SEMA4D: variants seen among roughly 807,000 people sequenced by gnomAD.
SEMA4D encodes the protein semaphorin 4D, also known as semaphorin-4D.
A neutral mutation model predicts 74.8 loss-of-function variants in SEMA4D; 22 were observed. The ratio of observed to expected loss-of-function variants is 0.29; its 90% CI spans 0.21 to 0.42. The LOEUF is 0.42. Ranked by LOEUF, SEMA4D falls within the 10% of genes least tolerant of loss-of-function variation. The pLI is 1.00. For missense variants in SEMA4D, 937 were observed against 1,118.4 expected, an observed-to-expected ratio of 0.84 and a Z score of 2.31; for synonymous variants, 445 against 463.7, an observed-to-expected ratio of 0.96 and a Z score of 0.52.
chr9:89,458,702 C>T (rs1856544214), intron 1 of SEMA4D, among the ~76,000 whole-genome samples: 1 of 152,064 alleles, frequency 6.6e-6, no homozygotes, highest in Non-Finnish European at 1.5e-5. Context: ...TACACATGCA[C>T]ATATATACAT....
Position 89,379,047 on chromosome 9 carries a change from C to T in SEMA4D, c.2246G>A (p.Cys749Tyr). The T allele has an allele frequency of 6.2e-7, 1 of 1,612,234 alleles. No individual in the cohort carries two copies. Among genetic ancestry groups the T allele is most frequent in the Middle Eastern group, 1.7e-4 (1 of 6,058 alleles). ...LFLFFFVLFL[C>Y]LFFYNCYKGY... The stretch of plus-strand genomic sequence containing the variant: ...CTTATAGCAGTTGTAGAAAAAGAGG[C>T]AGAGGAAGAGAACAAAGAAGAAGAG... The change falls in exon 16 of 16, where the codon TGC becomes TAC. Residue 749 changes from cysteine (C) to tyrosine (Y), a missense_variant. Cys to Tyr is a radical substitution (Grantham distance 194, BLOSUM62 -2). Coordinates refer to ENST00000422704, the MANE Select transcript of SEMA4D (RefSeq NM_001371194.2).
intron 2 of SEMA4D, among the ~76,000 whole-genome samples, chr9:89,441,279 C>T (rs1587910746): frequency 6.6e-6 from 1 of 152,270 alleles, no homozygotes; most frequent in Non-Finnish European, 1.5e-5. Flanking sequence ...CTCGGCCGGG[C>T]GGCACTGTTC....
In SEMA4D at chr9:89,392,512, G is replaced by A. The variant is rs749511608; in HGVS notation, c.533C>T (p.Ser178Leu). Residue 178 changes from serine to leucine, a missense_variant, in exon 8 of 16, where the codon TCG becomes TTG. Transcript: ENST00000422704. ...MVDGELYSGT[S>L]YNFLGSEPII... Reference sequence around the variant, plus strand: ...GGGTTCACTTCCCAAAAAATTATACGACGTCCCCGAATAAAGTTCTCCATC... The same window carrying A: ...GGGTTCACTTCCCAAAAAATTATACAACGTCCCCGAATAAAGTTCTCCATC... The A allele has an allele frequency of 5.0e-6, 8 of 1,613,666 alleles. No homozygotes were observed. Among genetic ancestry groups the A allele is most frequent in the South Asian group, 4.4e-5 (4 of 91,060 alleles).
chr9:89,465,816 G>C (rs1299669981), intron 1 of SEMA4D, among the ~76,000 whole-genome samples: 1 of 152,242 alleles, frequency 6.6e-6, no homozygotes, highest in East Asian at 1.9e-4. Context: ...AGACAGGTGA[G>C]CCCTGGGTGG....
At chr9:89,382,365 TAC>T (rs957811548) in intron 13 of SEMA4D, among the ~76,000 whole-genome samples, 3 of 152,242 alleles carry the variant, frequency 2.0e-5, no homozygotes, top group Admixed American at 1.3e-4. Context: ...CTTAGTGGTT[TAC>T]AGTCAGATGA....
chr9:89,426,646 C>T (rs1384070104), intron 2 of SEMA4D, among the ~76,000 whole-genome samples: 1 of 152,164 alleles, frequency 6.6e-6, no homozygotes, highest in Non-Finnish European at 1.5e-5. Context: ...GCTGTCTTAC[C>T]GTCGTGCGCA....
chr9:89,375,660 G>GT (rs1384446400), downstream of SEMA4D, among the ~76,000 whole-genome samples: 5 of 152,134 alleles, frequency 3.3e-5, no homozygotes, highest in African/African-American at 1.2e-4. Flanking sequence ...CTTTCTTTCT[G>GT]TATCTACTGA....
chr9:89,467,846 T>C lies in SEMA4D; in HGVS notation c.-309-11893A>G, dbSNP rs909196683. Among the ~76,000 whole-genome samples, 8 of 152,252 alleles carry C rather than the reference T, an allele frequency of 5.3e-5. No individual in the cohort carries two copies. The East Asian group carries it at 1.5e-3, about 29-fold the overall frequency. On this transcript the variant is annotated intron_variant, in intron 1 of 15. Coordinates refer to ENST00000422704, the MANE Select transcript of SEMA4D (RefSeq NM_001371194.2). ...CACCCAGCCTCATGATTCTTATAAA[T>C]TGCTGCAAGGATATGCCCACAGCAG...
At chr9:89,399,078 G>A (rs1841630824) in intron 5 of SEMA4D, among the ~76,000 whole-genome samples, 198 bp downstream of exon 5, 1 of 152,208 alleles carries the variant, frequency 6.6e-6, no homozygotes, top group Admixed American at 6.5e-5. Flanking sequence ...TTTGGCACCT[G>A]CTTTGAGAAA....
intron 2 of SEMA4D, among the ~76,000 whole-genome samples, chr9:89,432,621 C>A (rs191622633): frequency 6.6e-6 from 1 of 152,138 alleles, no homozygotes. Flanking sequence ...ATACTTAATA[C>A]CCATATGAAA....
intron 2 of SEMA4D, among the ~76,000 whole-genome samples, chr9:89,429,743 A>G (rs1425960677): frequency 6.6e-6 from 1 of 152,180 alleles, no homozygotes; most frequent in African/African-American, 2.4e-5. Flanking sequence ...GTTCCAGAGA[A>G]GTGCACGCTG....
intron 2 of SEMA4D, chr9:89,449,559 T>A (rs1292419063): frequency 1.0e-5 from 8 of 792,174 alleles, no homozygotes; most frequent in African/African-American, 1.7e-5. Context: ...GGCAGGAAGA[T>A]GTCAGGCAAA....
intron 11 of SEMA4D, 105 bp downstream of exon 11, chr9:89,388,531 C>CGT (rs1381062329): frequency 1.5e-5 from 21 of 1,388,296 alleles, no homozygotes; most frequent in Non-Finnish European, 1.9e-5. Flanking sequence ...AGAGCCTTGG[C>CGT]GTGGCCAGGT....
chr9:89,417,943 T>C (rs1488389229), intron 2 of SEMA4D: 1 of 235,674 alleles, frequency 4.2e-6, no homozygotes, highest in Non-Finnish European at 6.9e-6. Context: ...CCCCACAGGA[T>C]ATCAGGGACC....
chr9:89,426,242 G>A (rs569867560), intron 2 of SEMA4D, among the ~76,000 whole-genome samples: 44 of 152,344 alleles, frequency 2.9e-4, no homozygotes, highest in African/African-American at 1.1e-3. Flanking sequence ...ATAGGCCCAG[G>A]AGCCTCAGGA....
intron 2 of SEMA4D, among the ~76,000 whole-genome samples, chr9:89,442,096 C>T (rs1050088933): frequency 6.6e-6 from 1 of 152,262 alleles, no homozygotes; most frequent in Admixed American, 6.5e-5. Context: ...TCACCCCTCC[C>T]CATCATCAGC....
chr9:89,419,749 TCAAAAAAAAATA>T (rs1846497679), intron 2 of SEMA4D, among the ~76,000 whole-genome samples: 1 of 140,268 alleles, frequency 7.1e-6, no homozygotes, highest in Non-Finnish European at 1.6e-5. Context: ...CCCGTCTCTA[TCAAAAAAAAATA>T]CAAAAATTAG....
intron 7 of SEMA4D, 134 bp downstream of exon 7, chr9:89,393,428 C>T: frequency 1.4e-6 from 1 of 700,172 alleles, no homozygotes; most frequent in South Asian, 1.8e-5. Flanking sequence ...GTCACATGTG[C>T]CTTTTGTAAG....
intron 2 of SEMA4D, among the ~76,000 whole-genome samples, chr9:89,416,803 C>CA (rs1441308532): frequency 1.3e-5 from 2 of 152,220 alleles, no homozygotes; most frequent in African/African-American, 4.8e-5. Context: ...ACCCATGCTA[C>CA]ACCCAAGTCA....
Sources: allele counts gnomAD v4.1 joint callset (sites outside exome capture counted in the v4.1 genomes callset), GRCh38; gene constraint gnomAD v4.1.1; transcripts MANE v1.5; gene names NCBI Gene and HGNC (gene_info 2026-07-23, HGNC 2026-07-21).